INSR: variants seen among roughly 807,000 people sequenced by gnomAD.
The protein encoded by INSR is insulin receptor.
INSR carries 67 observed loss-of-function variants against 142.6 expected under a neutral mutation model. The ratio of observed to expected loss-of-function variants is 0.47; its 90% CI spans 0.39 to 0.58. The LOEUF (loss-of-function observed/expected upper bound fraction) is 0.58, where lower values mean the gene tolerates loss of function less well. Ranked by LOEUF, INSR falls within the 20% of genes least tolerant of loss-of-function variation. The pLI is 0.00. For synonymous variants in INSR, 756 were observed against 743.1 expected (o/e 1.02, Z -0.28); for missense variants, 1,248 against 1,833.2 (o/e 0.68, Z 5.83).
chr19:7,213,341 C>A (rs1203820249), intron 2 of INSR, among the ~76,000 whole-genome samples: 60 of 100,610 alleles, frequency 6.0e-4, no homozygotes, highest in African/African-American at 7.5e-4. Context: ...GACTCCATCT[C>A]AAAAAAAAAA....
rs147671523 is a variant in INSR, at chr19:7,168,028, T to C, written c.1550A>G (p.Glu517Gly). 8.1e-5 allele frequency: 131 copies of C among 1,613,824 alleles called. No individual in the cohort carries two copies. The African/African-American group carries it at 1.6e-3, about 20-fold the overall frequency. ...TCGGAAGTCGGGGGGCCAGTACGGC[T>C]CCCATCTCAGCAAGATCTTGTCAAA... ...TSFDKILLRWEPYWPPDFRDL... is the reference protein window; with the variant it reads ...TSFDKILLRWGPYWPPDFRDL... Residue 517 changes from glutamate to glycine, a missense_variant, in exon 7 of 22, where the codon GAG becomes GGG. Glu to Gly is a moderately conservative substitution (Grantham distance 98, BLOSUM62 -2). Transcript: ENST00000302850. The surrounding 1 kb of genome is among the most constrained non-coding windows in gnomAD (Gnocchi z 4.3).
rs1046218475 is a variant in INSR, at chr19:7,125,932, C to T, written c.3014-405G>A. Among the ~76,000 whole-genome samples, 17 of 152,158 alleles carry T rather than the reference C, an allele frequency of 1.1e-4. No individual in the cohort carries two copies. Among genetic ancestry groups the T allele is most frequent in the Admixed American group, 6.6e-5 (1 of 15,266 alleles). On this transcript the variant is annotated intron_variant, in intron 16 of 21. Coordinates refer to ENST00000302850, the MANE Select transcript of INSR (RefSeq NM_000208.4). This position sits in a 1 kb window ranked among gnomAD's most constrained non-coding sequence, Gnocchi z 4.9. ...AAAAAAAGCCAGGATACTTGGAGCTCTTCCCATGAAAAGGTGGAGTCTATC... is the reference window on the plus strand; with the variant it reads ...AAAAAAAGCCAGGATACTTGGAGCTTTTCCCATGAAAAGGTGGAGTCTATC...
chr19:7,280,306 C>T (rs1359333038), intron 1 of INSR, among the ~76,000 whole-genome samples: 2 of 151,698 alleles, frequency 1.3e-5, no homozygotes, highest in Admixed American at 6.6e-5. Flanking sequence ...AGGCTGGGTG[C>T]GGTTGCTCAC....
chr19:7,227,568 C>T (rs373517370), intron 2 of INSR, among the ~76,000 whole-genome samples: 13 of 152,220 alleles, frequency 8.5e-5, no homozygotes, highest in East Asian at 3.9e-4. Flanking sequence ...CCACTGCACC[C>T]GGTCAACATT....
In INSR at chr19:7,216,054, G is replaced by A. The variant is rs1323876869; in HGVS notation, c.653-31417C>T. On this transcript the variant is annotated intron_variant, in intron 2 of 21. Transcript: ENST00000302850. The surrounding 1 kb of genome is among the most constrained non-coding windows in gnomAD (Gnocchi z 4.2). ...AAGATGGAAGCAGGCTGGGCACGGT[G>A]GCTCACGCCTATAATCCCAGCACTT... is the stretch of plus-strand genomic sequence containing the variant. Among the ~76,000 whole-genome samples the A allele has an allele frequency of 6.6e-6, 1 of 151,846 alleles. No individual in the cohort carries two copies. The highest frequency in any genetic ancestry group is 2.4e-5 in the African/African-American group (1 of 41,354).
chr19:7,163,103 GTGA>G lies in INSR; in HGVS notation c.1955_1957del (p.Ile652del), dbSNP rs763241695. 6.2e-7 allele frequency: 1 copy of G among 1,614,094 alleles called. No individual in the cohort carries two copies. Among genetic ancestry groups the G allele is most frequent in the Non-Finnish European group, 8.5e-7 (1 of 1,180,006 alleles). Reference sequence around the variant, plus strand: ...CCTCTCCCAGAAAACCAGGTAGTGGGTGATGTTGCCATTGGGGTCGGAGGGTGG... The same window carrying G: ...CCTCTCCCAGAAAACCAGGTAGTGGGTGTTGCCATTGGGGTCGGAGGGTGG... On this transcript the variant is annotated inframe_deletion, in exon 9 of 22. Transcript: ENST00000302850.
chr19:7,255,712 G>A (rs934485432), intron 2 of INSR, among the ~76,000 whole-genome samples: 2 of 151,688 alleles, frequency 1.3e-5, no homozygotes, highest in African/African-American at 4.8e-5. Context: ...TGAGTAGCTG[G>A]GACTATAGGC....
intron 3 of INSR, among the ~76,000 whole-genome samples, chr19:7,181,842 A>G (rs1974282882): frequency 6.6e-6 from 1 of 151,338 alleles, no homozygotes; most frequent in South Asian, 2.1e-4. Flanking sequence ...CGGCCTCCCA[A>G]AGTGCTGGGA....
chr19:7,265,677 G>A (rs1452275513), intron 2 of INSR, among the ~76,000 whole-genome samples: 3 of 151,134 alleles, frequency 2.0e-5, no homozygotes, highest in African/African-American at 7.3e-5. Context: ...AGAGGTTGCA[G>A]TGAGCCGAGA....
chr19:7,140,940 T>C (rs1200525178), intron 13 of INSR, among the ~76,000 whole-genome samples: 2 of 152,186 alleles, frequency 1.3e-5, no homozygotes, highest in Non-Finnish European at 2.9e-5. Flanking sequence ...TCTTTTGGGT[T>C]ATTTGTCTTG....
chr19:7,269,311 A>G (rs936016871), intron 1 of INSR, among the ~76,000 whole-genome samples: 6 of 151,086 alleles, frequency 4.0e-5, no homozygotes, highest in African/African-American at 9.7e-5. Context: ...ACAAATGGGA[A>G]AAAAAAAGTA....
At chr19:7,185,049 A>C (rs567410748) in intron 2 of INSR, among the ~76,000 whole-genome samples, 5 of 152,370 alleles carry the variant, frequency 3.3e-5, no homozygotes, top group African/African-American at 9.6e-5. Context: ...ATAAGTATAC[A>C]CAAAATGTAT....
At chr19:7,134,774 G>C (rs1413229716) in intron 13 of INSR, among the ~76,000 whole-genome samples, 1 of 151,650 alleles carries the variant, frequency 6.6e-6, no homozygotes, top group Non-Finnish European at 1.5e-5. Flanking sequence ...AAAAGAAAAA[G>C]AAAATGTGGT....
intron 2 of INSR, among the ~76,000 whole-genome samples, chr19:7,229,219 A>ATGG (rs1975881898): frequency 1.1e-4 from 5 of 45,838 alleles, no homozygotes; most frequent in South Asian, 9.2e-4. Flanking sequence ...ATGGATGGAT[A>ATGG]ATAGATGGTG....
intron 13 of INSR, among the ~76,000 whole-genome samples, chr19:7,135,483 A>G (rs34343766): frequency 0.37 from 53,702 of 146,446 alleles, 11,011 homozygotes; most frequent in Non-Finnish European, 0.46. Flanking sequence ...GCGAGACTCC[A>G]GCCTGGGCAA....
rs1976598163 is a variant in INSR, at chr19:7,248,355, T to C, written c.652+18990A>G. On this transcript the variant is annotated intron_variant, in intron 2 of 21. Transcript: ENST00000302850. ...TTAAAAATTAGTCAGGCACGGTGGT[T>C]CATGCCTGTAGTGCCAGCTACTTGG... Among the ~76,000 whole-genome samples the C allele has an allele frequency of 2.0e-5, 3 of 147,792 alleles. No individual in the cohort carries two copies. The Middle Eastern group carries it at 0.01, about 506-fold the overall frequency.
At position 7,132,144 on chromosome 19, in the gene INSR, C is replaced by T; in HGVS notation, c.2842+14G>A. 1.9e-6 allele frequency: 3 copies of T among 1,613,966 alleles called. No individual in the cohort carries two copies. In the South Asian group the frequency reaches 3.3e-5, roughly 18 times the overall value. On this transcript the variant is annotated intron_variant, in intron 14 of 21. Coordinates refer to ENST00000302850, the MANE Select transcript of INSR (RefSeq NM_000208.4). ...GCACAGCCCCAGTCAGCTGAGGCTG[C>T]CATGGAGACTTACAATAGTCTGTCA... is the stretch of plus-strand genomic sequence containing the variant.
intron 2 of INSR, among the ~76,000 whole-genome samples, chr19:7,253,124 T>A (rs963302320): frequency 1.6e-4 from 21 of 129,926 alleles, no homozygotes; most frequent in East Asian, 5.4e-4. Context: ...AAAAAAAAAA[T>A]AGAAGAAGCC....
chr19:7,205,168 C>T (rs973023528), intron 2 of INSR, among the ~76,000 whole-genome samples: 1 of 152,196 alleles, frequency 6.6e-6, no homozygotes, highest in Non-Finnish European at 1.5e-5. Flanking sequence ...TGAGCTCCTA[C>T]GGAGTGTCCG....
Sources: gnomAD v4.1 joint callset for allele counts (sites outside exome capture counted in the v4.1 genomes callset) on GRCh38, gnomAD v4.1.1 for gene constraint, Gnocchi (gnomAD v3.1) non-coding constraint, MANE v1.5 for transcripts, NCBI Gene and HGNC (gene_info 2026-07-23, HGNC 2026-07-21) for gene names.